Variants in ARHGAP24 observed in about 807,000 individuals in gnomAD.
ARHGAP24 encodes Rho GTPase activating protein 24.
Under a neutral mutation model 76.4 loss-of-function variants are expected in ARHGAP24, and 50 were observed. The ratio of observed to expected loss-of-function variants is 0.65; its 90% CI spans 0.52 to 0.83. The LOEUF (loss-of-function observed/expected upper bound fraction) is 0.83. Among genes scored for constraint, ARHGAP24 ranks in the 40% least tolerant of loss-of-function variants. ARHGAP24 has a pLI of 0.00. For synonymous variants in ARHGAP24, 345 were observed against 323.3 expected (o/e 1.07, Z -0.72); for missense variants, 930 against 914.2 (o/e 1.02, Z -0.22).
At chr4:85,762,325 CAT>C (rs1484987385) in intron 3 of ARHGAP24, among the ~76,000 whole-genome samples, 4 of 152,096 alleles carry the variant, frequency 2.6e-5, no homozygotes, top group Non-Finnish European at 5.9e-5. Flanking sequence ...GCATTTGGCT[CAT>C]GTACAGAAAA....
At chr4:85,850,154 A>C (rs977614440) in intron 3 of ARHGAP24, among the ~76,000 whole-genome samples, 1 of 151,236 alleles carries the variant, frequency 6.6e-6, no homozygotes, top group East Asian at 1.9e-4. Context: ...CAGGGATTCA[A>C]CTTCTTCCTG....
At chr4:85,860,996 GCACGCACACA>G (rs1731861340) in intron 3 of ARHGAP24, among the ~76,000 whole-genome samples, 1 of 140,076 alleles carries the variant, frequency 7.1e-6, no homozygotes, top group African/African-American at 2.8e-5. Context: ...TTCTGTGCAT[GCACGCACACA>G]CACACACACA....
intron 3 of ARHGAP24, among the ~76,000 whole-genome samples, chr4:85,838,806 C>G (rs1206347363): frequency 1.3e-5 from 2 of 152,086 alleles, no homozygotes; most frequent in African/African-American, 4.8e-5. Context: ...ATCCCTCCCT[C>G]CCCCAAGCTA....
At chr4:85,837,006 A>G (rs1487714044) in intron 3 of ARHGAP24, among the ~76,000 whole-genome samples, 1 of 152,128 alleles carries the variant, frequency 6.6e-6, no homozygotes, top group South Asian at 2.1e-4. Flanking sequence ...GCTGATGTGC[A>G]GGGACTCCCT....
At chr4:85,495,286 G>A (rs1167056200) in intron 1 of ARHGAP24, among the ~76,000 whole-genome samples, 1 of 149,356 alleles carries the variant, frequency 6.7e-6, no homozygotes, top group Non-Finnish European at 1.5e-5. Flanking sequence ...AGAGCGGCTA[G>A]TAGAAGCTGA....
chr4:85,972,374 T>A, intron 6 of ARHGAP24: 1 of 633,068 alleles, frequency 1.6e-6, no homozygotes, highest in Non-Finnish European at 2.7e-6. Flanking sequence ...AGAATATGGC[T>A]GAATAAATTA....
At chr4:85,881,910 T>G (rs1206604685) in intron 3 of ARHGAP24, among the ~76,000 whole-genome samples, 1 of 152,222 alleles carries the variant, frequency 6.6e-6, no homozygotes. Flanking sequence ...ATAATAAACA[T>G]GGGCAATGGC....
chr4:85,853,734 G>T lies in ARHGAP24; in HGVS notation c.269-69914G>T, dbSNP rs112648989. The stretch of plus-strand genomic sequence containing the variant: ...AAGCTCAAGAGATCAAGACCATCCT[G>T]GCCAAGCTCAAGAGATCAAGACCAT... On this transcript the variant is annotated intron_variant, in intron 3 of 9. Coordinates refer to ENST00000395184, the MANE Select transcript of ARHGAP24 (RefSeq NM_001025616.3). 8.1e-3 allele frequency among the ~76,000 whole-genome samples: 1,227 copies of T among 152,078 alleles called. 13 individuals carry two copies. The highest frequency in any genetic ancestry group is 0.036 in the East Asian group (184 of 5,160).
intron 5 of ARHGAP24, among the ~76,000 whole-genome samples, chr4:85,955,159 G>A (rs950168923): frequency 1.3e-5 from 2 of 152,142 alleles, no homozygotes; most frequent in African/African-American, 4.8e-5. Context: ...AGCAGAACCT[G>A]TCCCTTTTCT....
Position 85,535,669 on chromosome 4 carries a change from G to A in ARHGAP24, c.-20-34853G>A, listed in dbSNP as rs183368731. Reference sequence around the variant, plus strand: ...CTTCTCAACCTTCTTTCCCTCTTCTGCACTCTAACAAAGAGACTACGGTGG... The same window carrying A: ...CTTCTCAACCTTCTTTCCCTCTTCTACACTCTAACAAAGAGACTACGGTGG... On this transcript the variant is annotated intron_variant, in intron 1 of 9. Coordinates refer to ENST00000395184, the MANE Select transcript of ARHGAP24 (RefSeq NM_001025616.3). Among the ~76,000 whole-genome samples the A allele has an allele frequency of 4.6e-5, 7 of 152,180 alleles. No individual in the cohort carries two copies. In the East Asian group the frequency reaches 1.4e-3, roughly 29 times the overall value.
intron 3 of ARHGAP24, among the ~76,000 whole-genome samples, chr4:85,826,110 C>T (rs1282040769): frequency 1.3e-5 from 2 of 152,134 alleles, no homozygotes; most frequent in Non-Finnish European, 2.9e-5. Context: ...ATTTTCAGTT[C>T]CTTTCCTGTT....
intron 2 of ARHGAP24, among the ~76,000 whole-genome samples, chr4:85,623,699 G>C (rs970079910): frequency 3.3e-5 from 5 of 151,638 alleles, no homozygotes; most frequent in African/African-American, 1.2e-4. Flanking sequence ...CCATTTTCAC[G>C]ATATTGATTC....
At chr4:85,917,171 T>C (rs1735455805) in intron 3 of ARHGAP24, among the ~76,000 whole-genome samples, 5 of 152,176 alleles carry the variant, frequency 3.3e-5, no homozygotes, top group Admixed American at 2.0e-4. Context: ...TGTTTGGTTT[T>C]TTGTCCTTGC....
chr4:85,828,093 C>A, intron 3 of ARHGAP24: 5 of 741,942 alleles, frequency 6.7e-6, no homozygotes, highest in Middle Eastern at 2.7e-4. Flanking sequence ...AGACTGTGTG[C>A]GGTTTTATTT....
intron 5 of ARHGAP24, among the ~76,000 whole-genome samples, chr4:85,956,417 G>T (rs1426590028): frequency 1.3e-5 from 2 of 152,116 alleles, no homozygotes; most frequent in East Asian, 1.9e-4. Context: ...GTTACCCGGG[G>T]GTTCTTGCTC....
At chr4:85,936,310 A>G (rs1463453836) in intron 4 of ARHGAP24, among the ~76,000 whole-genome samples, 1 of 152,104 alleles carries the variant, frequency 6.6e-6, no homozygotes, top group Non-Finnish European at 1.5e-5. Flanking sequence ...ATAATTGGGG[A>G]GGTAAAGTGT....
At chr4:85,874,294 G>C (rs1303404584) in intron 3 of ARHGAP24, among the ~76,000 whole-genome samples, 1 of 152,020 alleles carries the variant, frequency 6.6e-6, no homozygotes, top group African/African-American at 2.4e-5. Flanking sequence ...GCTTCTAATC[G>C]ATACCATTTT....
At chr4:85,986,946 G>T (rs553199634) in intron 8 of ARHGAP24, among the ~76,000 whole-genome samples, 2 of 152,216 alleles carry the variant, frequency 1.3e-5, no homozygotes, top group African/African-American at 4.8e-5. Flanking sequence ...GGAGCTCAGG[G>T]AGGAAGGGAA....
chr4:85,504,652 A>T (rs1180402496), intron 1 of ARHGAP24, among the ~76,000 whole-genome samples: 13 of 152,124 alleles, frequency 8.5e-5, no homozygotes, highest in Non-Finnish European at 4.4e-5. Context: ...CAGCACACTG[A>T]TGGGTCTTGA....
Sources: allele counts gnomAD v4.1 joint callset (sites outside exome capture counted in the v4.1 genomes callset), GRCh38; gene constraint gnomAD v4.1.1; transcripts MANE v1.5; gene names NCBI Gene and HGNC (gene_info 2026-07-23, HGNC 2026-07-21).